The following DIS3L2 variants were observed in gnomAD, a reference collection of about 807,000 sequenced individuals.
DIS3L2 encodes DIS3 like 3'-5' exoribonuclease 2.
Under a neutral mutation model 97.5 loss-of-function variants are expected in DIS3L2, and 34 were observed. The observed-to-expected ratio is 0.35, with a 90% confidence interval of 0.27 to 0.46. DIS3L2 has a LOEUF of 0.46. Ranked by LOEUF, DIS3L2 falls within the 20% of genes least tolerant of loss-of-function variation. DIS3L2 has a pLI of 1.00. For missense variants in DIS3L2, 1,038 were observed against 1,146.0 expected (o/e 0.91, Z 1.36); for synonymous variants, 435 against 445.2 (o/e 0.98, Z 0.29).
At chr2:232,212,210 A>C (rs1430161225) in intron 10 of DIS3L2, among the ~76,000 whole-genome samples, 1 of 152,256 alleles carries the variant, frequency 6.6e-6, no homozygotes, top group Non-Finnish European at 1.5e-5. Context: ...CCTGCTCGGC[A>C]TATAGACACC....
chr2:232,193,843 A>G (rs1452676201), intron 9 of DIS3L2, among the ~76,000 whole-genome samples: 7 of 152,170 alleles, frequency 4.6e-5, no homozygotes, highest in African/African-American at 1.7e-4. Flanking sequence ...TAAAGATTCA[A>G]TTCACGGCGA....
chr2:232,262,467 T>A (rs1466043686), intron 12 of DIS3L2, among the ~76,000 whole-genome samples: 1 of 152,238 alleles, frequency 6.6e-6, no homozygotes, highest in African/African-American at 2.4e-5. Flanking sequence ...AGCCCAGTGG[T>A]TCTCAGCCTG....
intron 5 of DIS3L2, among the ~76,000 whole-genome samples, chr2:232,043,007 A>G (rs1371970681): frequency 1.3e-5 from 2 of 152,230 alleles, no homozygotes; most frequent in African/African-American, 4.8e-5. Flanking sequence ...CTAGCTCTTG[A>G]GTGTACCACA....
intron 13 of DIS3L2, among the ~76,000 whole-genome samples, chr2:232,294,170 C>T (rs1339203485): frequency 1.3e-5 from 2 of 152,212 alleles, no homozygotes; most frequent in Non-Finnish European, 2.9e-5. Context: ...GTCACACATC[C>T]ATTCCTGAAC....
At chr2:232,039,556 G>A (rs545920738) in intron 5 of DIS3L2, among the ~76,000 whole-genome samples, 49 of 152,264 alleles carry the variant, frequency 3.2e-4, no homozygotes, top group African/African-American at 1.2e-3. Context: ...TGGCAAAATA[G>A]ATAGCTGTAT....
intron 9 of DIS3L2, among the ~76,000 whole-genome samples, chr2:232,174,517 T>C (rs1295588167): frequency 3.7e-5 from 5 of 133,906 alleles, no homozygotes; most frequent in South Asian, 2.3e-4. Context: ...ACCTGGGAGG[T>C]GGAGGCAGCA....
chr2:232,073,594 G>A (rs1337996221), intron 5 of DIS3L2, among the ~76,000 whole-genome samples: 1 of 152,116 alleles, frequency 6.6e-6, no homozygotes, highest in Non-Finnish European at 1.5e-5. Flanking sequence ...CTTTGAGCTC[G>A]AGGAAAGGTT....
At chr2:232,206,898 GT>G (rs1692040910) in intron 9 of DIS3L2, among the ~76,000 whole-genome samples, 1 of 152,166 alleles carries the variant, frequency 6.6e-6, no homozygotes, top group Admixed American at 6.5e-5. Context: ...GTCACATATG[GT>G]GGGATCAACT....
At chr2:232,024,531 A>C (rs1326246123) in intron 4 of DIS3L2, among the ~76,000 whole-genome samples, 1 of 152,204 alleles carries the variant, frequency 6.6e-6, no homozygotes, top group Admixed American at 6.5e-5. Flanking sequence ...TCGCATGCCA[A>C]ATGAAAGGGA....
chr2:232,190,187 G>A (rs777754576), intron 9 of DIS3L2, among the ~76,000 whole-genome samples: 4 of 151,920 alleles, frequency 2.6e-5, no homozygotes, highest in African/African-American at 4.8e-5. Context: ...AATAAAATTA[G>A]CCAGATGTGG....
At chr2:232,340,850 C>CAT (rs1559224364), downstream of DIS3L2, 10 of 471,476 alleles carry the variant, frequency 2.1e-5, no homozygotes, top group South Asian at 1.5e-4. Flanking sequence ...CATGCCTATC[C>CAT]GTGCACAGCC....
intron 10 of DIS3L2, among the ~76,000 whole-genome samples, chr2:232,237,083 G>A (rs137890026): frequency 1.3e-5 from 2 of 152,080 alleles, no homozygotes; most frequent in Non-Finnish European, 2.9e-5. Flanking sequence ...CTCTTTTTTT[G>A]TAATTGGTTC....
At chr2:232,158,600 C>A (rs1445772801) in intron 8 of DIS3L2, among the ~76,000 whole-genome samples, 1 of 152,150 alleles carries the variant, frequency 6.6e-6, no homozygotes, top group Non-Finnish European at 1.5e-5. Flanking sequence ...GTTTCTCCCC[C>A]TTTTTCTGGC....
rs1302733730 is a variant in DIS3L2 at position 232,104,439 on chromosome 2, T to C, written c.601+16718T>C. ...GTTTTTTATTGTGGTAAAAAAAAAT[T>C]TGCCATTTTAGCAATTTTTAAGTGT... On this transcript the variant is annotated intron_variant, in intron 6 of 20. Coordinates refer to ENST00000325385, the MANE Select transcript of DIS3L2 (RefSeq NM_152383.5). Among the ~76,000 whole-genome samples the C allele has an allele frequency of 1.3e-5, 2 of 152,194 alleles. 1 individual carries two copies. The highest frequency in any genetic ancestry group is 4.8e-5 in the African/African-American group (2 of 41,448).
intron 9 of DIS3L2, among the ~76,000 whole-genome samples, chr2:232,191,871 C>T (rs915157250): frequency 2.6e-5 from 4 of 152,126 alleles, no homozygotes; most frequent in Admixed American, 6.6e-5. Flanking sequence ...CATATTTCAT[C>T]GTTTCTTTTT....
At chr2:232,199,443 T>A (rs763600491) in intron 9 of DIS3L2, among the ~76,000 whole-genome samples, 1 of 152,164 alleles carries the variant, frequency 6.6e-6, no homozygotes, top group Non-Finnish European at 1.5e-5. Flanking sequence ...GAACTCTTCC[T>A]CTCACCTCCC....
chr2:232,118,277 C>T (rs1697787734), intron 6 of DIS3L2, among the ~76,000 whole-genome samples: 1 of 152,202 alleles, frequency 6.6e-6, no homozygotes, highest in African/African-American at 2.4e-5. Flanking sequence ...GTCCCGCCCA[C>T]ACTCAGGTAG....
At chr2:232,014,761 T>C (rs1694305454) in intron 1 of DIS3L2, 74 bp from the exon 2 acceptor site, 5 of 603,888 alleles carry the variant, frequency 8.3e-6, no homozygotes, top group Non-Finnish European at 1.4e-5. Flanking sequence ...GCCATTGAAC[T>C]ACTAAATTTC....
At chr2:232,183,958 A>G (rs1559712425) in intron 9 of DIS3L2, among the ~76,000 whole-genome samples, 1 of 152,170 alleles carries the variant, frequency 6.6e-6, no homozygotes, top group African/African-American at 2.4e-5. Context: ...CACGATTACA[A>G]TGCTGTTGAT....
Sources: gnomAD v4.1 joint callset for allele counts (sites outside exome capture counted in the v4.1 genomes callset) on GRCh38, gnomAD v4.1.1 for gene constraint, MANE v1.5 for transcripts, NCBI Gene and HGNC (gene_info 2026-07-23, HGNC 2026-07-21) for gene names.